The following ODF2 variants were observed in gnomAD, a reference collection of about 807,000 sequenced individuals.
ODF2 encodes the protein outer dense fiber protein 2.
In ODF2, 47 loss-of-function variants were observed where a neutral mutation model predicts 110.2. That is an observed-to-expected ratio of 0.43 (90% CI 0.34 to 0.54). The LOEUF (loss-of-function observed/expected upper bound fraction) is 0.54. Among genes scored for constraint, ODF2 ranks in the 20% least tolerant of loss-of-function variants. The pLI is 0.03. For missense variants in ODF2, 812 were observed against 1,054.5 expected, an observed-to-expected ratio of 0.77 and a Z score of 3.19; for synonymous variants, 352 against 397.7, an observed-to-expected ratio of 0.89 and a Z score of 1.37.
chr9:128,494,664 G>T lies in ODF2; in HGVS notation c.1907G>T (p.Ser636Ile). 1 of 1,614,196 alleles carries T rather than the reference G, an allele frequency of 6.2e-7. No homozygotes were observed. The highest frequency in any genetic ancestry group is 8.5e-7 in the Non-Finnish European group (1 of 1,180,040). ...ACAGCCATCATATCAGACCTGCGCA[G>T]CCGGGTAAGGGACTGGCAGAAAGGG... Residue 636 changes from serine to isoleucine, a missense_variant, in exon 17 of 21, where the codon AGC (serine) becomes ATC (isoleucine). Ser to Ile is a moderately radical substitution (Grantham distance 142). Transcript: ENST00000604420. This position sits in a 1 kb window ranked among gnomAD's most constrained non-coding sequence, Gnocchi z 4.6.
rs73669910 is a variant in ODF2 at position 128,465,021 on chromosome 9, C to T, written c.249+3954C>T. On this transcript the variant is annotated intron_variant, in intron 4 of 20. Transcript: ENST00000604420. The stretch of plus-strand genomic sequence containing the variant: ...CCTTGGTAGTTTTCAAAGTACACAT[C>T]ACAGAGATGCTGCTATGAAAAATTT... Among the ~76,000 whole-genome samples, 731 of 152,260 alleles carry T rather than the reference C, an allele frequency of 4.8e-3. 5 individuals are homozygous for T. Among genetic ancestry groups the T allele is most frequent in the African/African-American group, 0.017 (694 of 41,550 alleles).
chr9:128,469,802 C>G (rs904567213), intron 5 of ODF2, among the ~76,000 whole-genome samples: 1 of 149,642 alleles, frequency 6.7e-6, no homozygotes, highest in Non-Finnish European at 1.5e-5. Context: ...CTGACCAACA[C>G]GGTGAAACCC....
At chr9:128,495,829 G>C (rs113755560) in intron 17 of ODF2, among the ~76,000 whole-genome samples, 154 of 152,180 alleles carry the variant, frequency 1.0e-3, no homozygotes, top group African/African-American at 3.6e-3. Flanking sequence ...CATCAAACCT[G>C]GTTTCTCCCA....
chr9:128,466,394 G>A (rs1411967934), intron 4 of ODF2, among the ~76,000 whole-genome samples: 1 of 151,756 alleles, frequency 6.6e-6, no homozygotes. Flanking sequence ...TTGAGCCTGG[G>A]AGGCAGAGGT....
chr9:128,456,395 CT>C, intron 1 of ODF2, 140 bp downstream of exon 1: 1 of 1,445,710 alleles, frequency 6.9e-7, no homozygotes, highest in Admixed American at 3.0e-5. Context: ...CGTCCCCCTC[CT>C]GTCAGAACCT....
At chr9:128,456,078 G>A, upstream of ODF2, 1 of 1,537,428 alleles carries the variant, frequency 6.5e-7, no homozygotes, top group Non-Finnish European at 8.8e-7. Context: ...TCCCGGGGGG[G>A]TTTGAACTGG....
In ODF2 at chr9:128,499,018, G is replaced by A. The variant is rs753124441; in HGVS notation, c.2193G>A (p.Glu731=). The A allele has an allele frequency of 6.2e-6, 10 of 1,614,104 alleles. No individual in the cohort carries two copies. In the Admixed American group the frequency reaches 8.3e-5, roughly 13 times the overall value. Residue 731 remains glutamate, a synonymous_variant, in exon 20 of 21, where the codon GAG becomes GAA. Coordinates refer to ENST00000604420, the Ensembl canonical transcript of ODF2. ...ATGTGCAGGTGGAACAAACCAAGGA[G>A]CACGCACTCTCCAAGGAGCGAGCAG... is the stretch of plus-strand genomic sequence containing the variant.
Position 128,462,095 on chromosome 9 carries a change from TA to T in ODF2, c.249+1034del, listed in dbSNP as rs1161334246. On this transcript the variant is annotated intron_variant, in intron 4 of 20. Transcript: ENST00000604420. Reference sequence around the variant, plus strand: ...GCTTTTTTCTTGAATGGAAAAAGTTTAAAAAATGACAACTATCTCCTGCCAG... The same window carrying T: ...GCTTTTTTCTTGAATGGAAAAAGTTTAAAAATGACAACTATCTCCTGCCAG... 8.6e-5 allele frequency among the ~76,000 whole-genome samples: 13 copies of T among 151,812 alleles called. 1 individual carries two copies. The Middle Eastern group carries it at 0.01, about 121-fold the overall frequency.
intron 20 of ODF2, among the ~76,000 whole-genome samples, 183 bp downstream of exon 20, chr9:128,499,309 G>T (rs1017194528): frequency 6.6e-6 from 1 of 152,028 alleles, no homozygotes. Context: ...ATTTAGAGAC[G>T]GAGTCTCCCT....
Position 128,498,403 on chromosome 9 carries a change from T to G in ODF2, c.2013-10T>G. 6.4e-7 allele frequency: 1 copy of G among 1,574,782 alleles called. No individual in the cohort carries two copies. The highest frequency in any genetic ancestry group is 1.2e-5 in the South Asian group (1 of 84,508). On this transcript the variant is annotated splice_polypyrimidine_tract_variant and intron_variant, in intron 18 of 20. Coordinates refer to ENST00000604420, the Ensembl canonical transcript of ODF2. ...GTATGCCCAGGATCTGATTGAGTGC[T>G]TTCACCTAGGAAACTGGAGGCGACC...
intron 3 of ODF2, 112 bp from the exon 3 acceptor site, chr9:128,460,438 G>A (rs1039969623): frequency 8.6e-6 from 13 of 1,519,166 alleles, no homozygotes; most frequent in South Asian, 7.6e-5. Context: ...TGTCCTGCTC[G>A]CTTGGTGGCT....
exon 6 of ODF2, chr9:128,471,342 A>C: frequency 6.2e-7 from 1 of 1,612,322 alleles, no homozygotes; most frequent in East Asian, 2.2e-5. Flanking sequence ...CAGATGGCCA[A>C]AAGGTTCCTG....
chr9:128,496,161 A>G lies in ODF2; in HGVS notation c.2012+20A>G, dbSNP rs1448032824. The G allele has an allele frequency of 6.2e-7, 1 of 1,613,448 alleles. No homozygotes were observed. Among genetic ancestry groups the G allele is most frequent in the African/African-American group, 1.3e-5 (1 of 75,030 alleles). The stretch of plus-strand genomic sequence containing the variant: ...GGAGAGGTTAGAGGCACTTGGTCCC[A>G]TCTCTGTCCTCTTCCTAGGACCTGA... On this transcript the variant is annotated intron_variant, in intron 18 of 20. Transcript: ENST00000604420.
intron 8 of ODF2, among the ~76,000 whole-genome samples, chr9:128,478,974 A>G (rs573780817): frequency 8.4e-4 from 128 of 152,012 alleles, no homozygotes; most frequent in Non-Finnish European, 1.5e-3. Flanking sequence ...TGGCTCTTAG[A>G]GTAGGGGGCT....
intron 8 of ODF2, among the ~76,000 whole-genome samples, chr9:128,478,703 T>C (rs1333271199): frequency 6.6e-6 from 1 of 151,958 alleles, no homozygotes; most frequent in African/African-American, 2.4e-5. Flanking sequence ...AGATGAAGGG[T>C]CAGCTAATTT....
At chr9:128,479,665 G>A (rs1450363350) in intron 8 of ODF2, among the ~76,000 whole-genome samples, 1 of 152,116 alleles carries the variant, frequency 6.6e-6, no homozygotes. Context: ...GCCCAGCAAC[G>A]TCTATTGCTG....
At chr9:128,480,796 G>T (rs1246928688) in intron 8 of ODF2, among the ~76,000 whole-genome samples, 1 of 151,720 alleles carries the variant, frequency 6.6e-6, no homozygotes, top group African/African-American at 2.4e-5. Context: ...CAGCCTGGGG[G>T]ACAAGAGCGA....
intron 8 of ODF2, among the ~76,000 whole-genome samples, chr9:128,478,576 T>TGAC (rs1841813537): frequency 6.6e-6 from 1 of 150,980 alleles, no homozygotes; most frequent in Non-Finnish European, 1.5e-5. Context: ...CCAGCCTGGG[T>TGAC]GACAGAGTGA....
rs1205208733 is a variant in ODF2, at chr9:128,456,598, C to G, written c.-209+343C>G. ...GCTGGTGGGTGGCCGTCCCTTCTCT[C>G]CGCCGACAGAGGCTCTCCCTCGCTC... is the stretch of plus-strand genomic sequence containing the variant. On this transcript the variant is annotated intron_variant, in intron 1 of 20. Transcript: ENST00000604420. 1.2e-5 allele frequency: 19 copies of G among 1,521,646 alleles called. No individual in the cohort carries two copies. In the East Asian group the frequency reaches 4.4e-4, roughly 35 times the overall value. The allele number at this position is 1,521,646 out of a possible 1,614,324, so 94.3% of individuals were successfully genotyped here. A position where few individuals can be genotyped will look rare whatever the true frequency, so the allele number is the denominator to read the frequency against.
Sources: allele counts gnomAD v4.1 joint callset (sites outside exome capture counted in the v4.1 genomes callset), GRCh38; gene constraint gnomAD v4.1.1; non-coding constraint Gnocchi (gnomAD v3.1); transcripts MANE v1.5; gene names NCBI Gene and HGNC (gene_info 2026-07-23, HGNC 2026-07-21).